Variants in ROBO2 observed in about 807,000 individuals in gnomAD.
ROBO2 encodes the protein roundabout guidance receptor 2.
Under a neutral mutation model 160.8 loss-of-function variants are expected in ROBO2, and 53 were observed. That is an observed-to-expected ratio of 0.33 (90% CI 0.26 to 0.41). The LOEUF is 0.41. Ranked by LOEUF, ROBO2 falls within the 10% of genes least tolerant of loss-of-function variation. The pLI is 1.00. For missense variants in ROBO2, 1,577 were observed against 1,722.4 expected (o/e 0.92, Z 1.49); for synonymous variants, 664 against 611.7 (o/e 1.09, Z -1.26).
chr3:77,368,674 G>A (rs2071300055), intron 2 of ROBO2, among the ~76,000 whole-genome samples: 1 of 152,146 alleles, frequency 6.6e-6, no homozygotes, highest in Admixed American at 6.5e-5. Flanking sequence ...CCTTGTTTAT[G>A]TGTGCATTTT....
At chr3:76,859,560 G>C (rs2070512840) in intron 2 of ROBO2, among the ~76,000 whole-genome samples, 1 of 152,042 alleles carries the variant, frequency 6.6e-6, no homozygotes, top group Non-Finnish European at 1.5e-5. Flanking sequence ...CCTTTCTGTT[G>C]TCACGTCTTC....
chr3:76,477,674 C>G (rs2078999673), intron 2 of ROBO2, among the ~76,000 whole-genome samples: 1 of 151,924 alleles, frequency 6.6e-6, no homozygotes, highest in East Asian at 1.9e-4. Context: ...AAATTGACAC[C>G]TTTTGCTGCT....
At chr3:77,364,641 G>C (rs528482994) in intron 2 of ROBO2, among the ~76,000 whole-genome samples, 65 of 151,224 alleles carry the variant, frequency 4.3e-4, no homozygotes, top group African/African-American at 1.5e-3. Flanking sequence ...GTTTCTCTAA[G>C]CTCAACTGAC....
intron 2 of ROBO2, among the ~76,000 whole-genome samples, chr3:77,464,736 G>T (rs1030694757): frequency 5.9e-5 from 9 of 151,980 alleles, no homozygotes; most frequent in African/African-American, 1.9e-4. Context: ...TGCTACTTGG[G>T]ATATTAGAAG....
intron 2 of ROBO2, among the ~76,000 whole-genome samples, chr3:76,685,311 C>T (rs749280708): frequency 4.0e-4 from 60 of 151,046 alleles, no homozygotes; most frequent in African/African-American, 1.3e-3. Context: ...GAAAATGCTA[C>T]GGGATATCCT....
At chr3:76,272,668 C>A (rs1707509980) in intron 2 of ROBO2, among the ~76,000 whole-genome samples, 1 of 66,658 alleles carries the variant, frequency 1.5e-5, no homozygotes. Context: ...GTCTAAAATA[C>A]ATACACATAT....
At chr3:75,981,472 T>G (rs1376569043) in intron 2 of ROBO2, among the ~76,000 whole-genome samples, 1 of 151,398 alleles carries the variant, frequency 6.6e-6, no homozygotes, top group Non-Finnish European at 1.5e-5. Context: ...AACTCGTGAC[T>G]CTGTTGAATG....
chr3:77,612,972 A>T (rs1384081289), intron 21 of ROBO2, among the ~76,000 whole-genome samples: 1 of 152,170 alleles, frequency 6.6e-6, no homozygotes, highest in Non-Finnish European at 1.5e-5. Context: ...GAAAAAAAAT[A>T]GAAAAATTGG....
At chr3:76,528,749 G>A (rs1329756158) in intron 2 of ROBO2, among the ~76,000 whole-genome samples, 5 of 152,018 alleles carry the variant, frequency 3.3e-5, no homozygotes, top group African/African-American at 1.2e-4. Flanking sequence ...ATCACCAGGG[G>A]AAGGAGGAGA....
intron 2 of ROBO2, among the ~76,000 whole-genome samples, chr3:76,335,178 G>GTTTTTTTTTTTTT (rs34963831): frequency 1.3e-5 from 1 of 77,894 alleles, no homozygotes; most frequent in Non-Finnish European, 2.3e-5. Context: ...TTTCTGTTTT[G>GTTTTTTTTTTTTT]TTTTTTTTTT....
chr3:76,732,414 T>C (rs1229839203), intron 2 of ROBO2, among the ~76,000 whole-genome samples: 1 of 152,090 alleles, frequency 6.6e-6, no homozygotes, highest in Admixed American at 6.5e-5. Flanking sequence ...TAGGGAAGAA[T>C]GGAGATGAAT....
chr3:76,474,388 G>C (rs12491582), intron 2 of ROBO2, among the ~76,000 whole-genome samples: 31,597 of 151,894 alleles, frequency 0.21, 3,528 homozygotes, highest in Admixed American at 0.3. Flanking sequence ...TATCCACTTA[G>C]CTGCTAGCTA....
intron 2 of ROBO2, among the ~76,000 whole-genome samples, chr3:76,976,908 A>ATTTT (rs200547079): frequency 0.039 from 5,969 of 152,244 alleles, 407 homozygotes; most frequent in African/African-American, 0.14. Flanking sequence ...ACAAATTATT[A>ATTTT]AACCTGAATT....
chr3:76,287,212 T>G (rs1300924485), intron 2 of ROBO2, among the ~76,000 whole-genome samples: 1 of 152,170 alleles, frequency 6.6e-6, no homozygotes, highest in Admixed American at 6.6e-5. Context: ...AGACTAGGCC[T>G]TGAGGAGGCA....
chr3:76,043,620 CAAAA>C (rs56988287), intron 2 of ROBO2, among the ~76,000 whole-genome samples: 41 of 38,450 alleles, frequency 1.1e-3, no homozygotes, highest in South Asian at 6.1e-3. Flanking sequence ...CTTCATCGTC[CAAAA>C]AAAAAAAAAA....
intron 2 of ROBO2, among the ~76,000 whole-genome samples, chr3:76,992,739 T>C (rs764922256): frequency 1.3e-5 from 2 of 152,064 alleles, no homozygotes; most frequent in African/African-American, 2.4e-5. Flanking sequence ...AGAAATGGTA[T>C]AGCTTGAGGT....
chr3:76,166,060 G>C, intron 2 of ROBO2, among the ~76,000 whole-genome samples: 2 of 151,806 alleles, frequency 1.3e-5, no homozygotes, highest in East Asian at 3.9e-4. Context: ...AATACTGTAA[G>C]AATTCCCAAA....
At chr3:76,235,172 T>G (rs1186793505) in intron 2 of ROBO2, among the ~76,000 whole-genome samples, 1 of 152,156 alleles carries the variant, frequency 6.6e-6, no homozygotes. Context: ...TTGAGGTGCT[T>G]ACATAGGTAA....
intron 2 of ROBO2, among the ~76,000 whole-genome samples, chr3:76,384,781 C>T (rs1414435413): frequency 6.6e-6 from 1 of 152,124 alleles, no homozygotes; most frequent in Non-Finnish European, 1.5e-5. Flanking sequence ...ATCAAGAGAA[C>T]AGCATGGGGG....
Sources: gnomAD v4.1 joint callset for allele counts (sites outside exome capture counted in the v4.1 genomes callset) on GRCh38, gnomAD v4.1.1 for gene constraint, MANE v1.5 for transcripts, NCBI Gene and HGNC (gene_info 2026-07-23, HGNC 2026-07-21) for gene names.